Variants in GRM8 observed in about 807,000 individuals in gnomAD.
GRM8 encodes the protein metabotropic glutamate receptor 8.
A neutral mutation model predicts 87.2 loss-of-function variants in GRM8; 47 were observed. That is an observed-to-expected ratio of 0.54 (90% CI 0.43 to 0.69). The LOEUF (loss-of-function observed/expected upper bound fraction) is 0.69, where lower values mean the gene tolerates loss of function less well. Ranked by LOEUF, GRM8 falls within the 30% of genes least tolerant of loss-of-function variation. The pLI, the probability that GRM8 is intolerant of heterozygous loss-of-function variation, is 0.00. For missense variants in GRM8, 1,019 were observed against 1,139.2 expected (o/e 0.89, Z 1.52); for synonymous variants, 396 against 404.5 (o/e 0.98, Z 0.25).
chr7:127,158,017 C>T (rs1443963693), intron 2 of GRM8, among the ~76,000 whole-genome samples: 2 of 152,034 alleles, frequency 1.3e-5, no homozygotes, highest in East Asian at 3.9e-4. Flanking sequence ...ACTCTCAGTA[C>T]CTAAGATCTA....
chr7:126,961,554 C>T (rs1809323646), intron 3 of GRM8, among the ~76,000 whole-genome samples: 1 of 152,186 alleles, frequency 6.6e-6, no homozygotes, highest in South Asian at 2.1e-4. Context: ...TGGGATCCTA[C>T]TATGTGCCAC....
At chr7:126,453,568 A>G (rs1802888060) in intron 9 of GRM8, among the ~76,000 whole-genome samples, 1 of 151,758 alleles carries the variant, frequency 6.6e-6, no homozygotes, top group African/African-American at 2.4e-5. Flanking sequence ...CAAGCAGAAT[A>G]TCAGCTTCTC....
intron 6 of GRM8, among the ~76,000 whole-genome samples, chr7:126,864,742 T>A (rs1026106873): frequency 6.6e-6 from 1 of 151,990 alleles, no homozygotes; most frequent in African/African-American, 2.4e-5. Flanking sequence ...GATATTGCAA[T>A]TTTTTTTACT....
At chr7:126,737,532 C>A (rs182737966) in intron 7 of GRM8, among the ~76,000 whole-genome samples, 32 of 152,082 alleles carry the variant, frequency 2.1e-4, no homozygotes, top group Non-Finnish European at 3.7e-4. Context: ...GTAATTCCCC[C>A]GTCTTGATAA....
chr7:127,119,292 C>T (rs935151752), intron 2 of GRM8, among the ~76,000 whole-genome samples: 7 of 152,082 alleles, frequency 4.6e-5, no homozygotes, highest in African/African-American at 1.7e-4. Context: ...TCAAGACCAA[C>T]CTGGCCAACA....
Position 126,560,292 on chromosome 7 carries a change from G to T in GRM8, c.1495-26405C>A, listed in dbSNP as rs376463126. 2.0e-5 allele frequency among the ~76,000 whole-genome samples: 3 copies of T among 152,174 alleles called. No individual in the cohort carries two copies. The East Asian group carries it at 5.8e-4, about 29-fold the overall frequency. On this transcript the variant is annotated intron_variant, in intron 8 of 10. Coordinates refer to ENST00000339582, the MANE Select transcript of GRM8 (RefSeq NM_000845.3). ...TAACTCATTGCTAATATTTCATATGGCTTATAAAACCTATGAATAACATTG... is the reference window on the plus strand; with the variant it reads ...TAACTCATTGCTAATATTTCATATGTCTTATAAAACCTATGAATAACATTG...
intron 6 of GRM8, among the ~76,000 whole-genome samples, chr7:126,775,113 A>G (rs1373373393): frequency 1.3e-5 from 2 of 152,160 alleles, no homozygotes; most frequent in Non-Finnish European, 2.9e-5. Flanking sequence ...TTTGTAGATT[A>G]AGAAGTATTT....
intron 2 of GRM8, among the ~76,000 whole-genome samples, chr7:127,216,991 C>T (rs1049801815): frequency 3.9e-5 from 6 of 152,180 alleles, no homozygotes; most frequent in East Asian, 1.9e-4. Context: ...TCTTCACAGT[C>T]CATATCAGTA....
intron 6 of GRM8, among the ~76,000 whole-genome samples, chr7:126,831,935 T>G (rs890071902): frequency 2.6e-5 from 4 of 152,238 alleles, no homozygotes; most frequent in Admixed American, 2.6e-4. Context: ...TGTTTCATTT[T>G]AAGAGTTTAA....
chr7:126,772,917 G>A (rs553357269), intron 6 of GRM8, among the ~76,000 whole-genome samples: 1 of 152,172 alleles, frequency 6.6e-6, no homozygotes, highest in South Asian at 2.1e-4. Flanking sequence ...AATGTCAGAG[G>A]GCTAATTTAA....
At position 127,061,918 on chromosome 7, in the gene GRM8, T is replaced by A. The variant is rs768679108; in HGVS notation, c.727+44578A>T. Among the ~76,000 whole-genome samples the A allele has an allele frequency of 9.2e-5, 14 of 152,038 alleles. No homozygotes were observed. The South Asian group carries it at 1.0e-3, about 11-fold the overall frequency. On this transcript the variant is annotated intron_variant, in intron 3 of 10. Coordinates refer to ENST00000339582, the MANE Select transcript of GRM8 (RefSeq NM_000845.3). ...AAAGAATCCTAAATTTAAGTTAAAGTTGGTGAATCTCAATTTTCAAAGCAG... is the reference window on the plus strand; with the variant it reads ...AAAGAATCCTAAATTTAAGTTAAAGATGGTGAATCTCAATTTTCAAAGCAG...
chr7:127,047,127 T>C (rs1014444328), intron 3 of GRM8, among the ~76,000 whole-genome samples: 2 of 152,224 alleles, frequency 1.3e-5, no homozygotes, highest in Non-Finnish European at 2.9e-5. Flanking sequence ...GTTTTTGCTG[T>C]TAAAAATTTT....
chr7:126,546,011 G>T (rs1817114315), intron 8 of GRM8, among the ~76,000 whole-genome samples: 1 of 152,004 alleles, frequency 6.6e-6, no homozygotes, highest in South Asian at 2.1e-4. Context: ...ATCTATAGAG[G>T]GTTACAGGAA....
At chr7:126,753,060 G>T (rs1464675137) in intron 7 of GRM8, among the ~76,000 whole-genome samples, 1 of 152,026 alleles carries the variant, frequency 6.6e-6, no homozygotes, top group African/African-American at 2.4e-5. Context: ...AATGGATGCA[G>T]ATTTAGCAAT....
intron 3 of GRM8, among the ~76,000 whole-genome samples, chr7:127,004,283 TAAAAC>T (rs959275900): frequency 1.3e-5 from 2 of 151,538 alleles, no homozygotes; most frequent in Non-Finnish European, 3.0e-5. Flanking sequence ...GCAGAAGTAA[TAAAAC>T]AGAGTGAGTG....
At chr7:126,447,639 C>T (rs776701431) in intron 9 of GRM8, among the ~76,000 whole-genome samples, 12 of 152,028 alleles carry the variant, frequency 7.9e-5, no homozygotes, top group Non-Finnish European at 1.5e-4. Context: ...AAAAACCATT[C>T]GCCCTCAAGG....
chr7:126,441,147 TC>T (rs1354029181), intron 10 of GRM8, among the ~76,000 whole-genome samples: 4 of 152,016 alleles, frequency 2.6e-5, no homozygotes, highest in African/African-American at 9.7e-5. Flanking sequence ...GAATACCTCT[TC>T]CACTTAAAAA....
intron 8 of GRM8, among the ~76,000 whole-genome samples, chr7:126,597,064 A>G (rs1797274756): frequency 6.6e-6 from 1 of 152,108 alleles, no homozygotes; most frequent in Non-Finnish European, 1.5e-5. Flanking sequence ...AAAAGAAAAC[A>G]TTATTTTATA....
chr7:126,704,694 G>C (rs1191568747), intron 7 of GRM8, among the ~76,000 whole-genome samples: 2 of 152,072 alleles, frequency 1.3e-5, no homozygotes, highest in Non-Finnish European at 2.9e-5. Flanking sequence ...CGAGCTGTAG[G>C]GATGAAATAA....
Sources: allele counts gnomAD v4.1 joint callset (sites outside exome capture counted in the v4.1 genomes callset), GRCh38; gene constraint gnomAD v4.1.1; transcripts MANE v1.5; gene names NCBI Gene and HGNC (gene_info 2026-07-23, HGNC 2026-07-21).